The following RORB variants were observed in gnomAD, a reference collection of about 807,000 sequenced individuals.
RORB encodes nuclear receptor ROR-beta.
In RORB, 6 loss-of-function variants were observed where a neutral mutation model predicts 59.1. That is an observed-to-expected ratio of 0.10 (90% CI 0.06 to 0.20). The LOEUF is 0.20. Ranked by LOEUF, RORB falls within the 10% of genes least tolerant of loss-of-function variation. The pLI is 1.00. For missense variants in RORB, 320 were observed against 560.5 expected, an observed-to-expected ratio of 0.57 and a Z score of 4.33; for synonymous variants, 215 against 204.5, an observed-to-expected ratio of 1.05 and a Z score of -0.44.
intron 1 of RORB, among the ~76,000 whole-genome samples, chr9:74,612,497 G>A (rs1409155914): frequency 6.6e-6 from 1 of 152,148 alleles, no homozygotes; most frequent in African/African-American, 2.4e-5. Flanking sequence ...CTTCTTTCCT[G>A]AACACACGCT....
chr9:74,610,531 G>A (rs1439641359), intron 1 of RORB, among the ~76,000 whole-genome samples: 3 of 152,100 alleles, frequency 2.0e-5, no homozygotes, highest in Non-Finnish European at 4.4e-5. Context: ...TATTCTCTAT[G>A]CAAAATTAAA....
chr9:74,503,355 C>T (rs545543061), intron 1 of RORB, among the ~76,000 whole-genome samples: 13 of 152,072 alleles, frequency 8.5e-5, no homozygotes, highest in South Asian at 8.3e-4. Flanking sequence ...CACACTGATA[C>T]GCAATATGTA....
intron 3 of RORB, 42 bp from the exon 4 acceptor site, chr9:74,642,372 G>A: frequency 1.3e-6 from 2 of 1,557,786 alleles, no homozygotes. Flanking sequence ...TAACGCGAAT[G>A]ATAACCACAA....
chr9:74,594,401 A>G (rs1157441154), intron 1 of RORB, among the ~76,000 whole-genome samples: 1 of 152,160 alleles, frequency 6.6e-6, no homozygotes, highest in Non-Finnish European at 1.5e-5. Context: ...CTCCAAACAA[A>G]AGACCCACAA....
intron 9 of RORB, among the ~76,000 whole-genome samples, chr9:74,675,582 T>C (rs945807255): frequency 1.3e-5 from 2 of 152,196 alleles, no homozygotes; most frequent in Non-Finnish European, 2.9e-5. Context: ...TTTACTGTTA[T>C]AAAAAGTGAA....
intron 1 of RORB, among the ~76,000 whole-genome samples, chr9:74,576,291 C>A (rs1347721162): frequency 1.3e-5 from 2 of 152,078 alleles, no homozygotes; most frequent in Non-Finnish European, 2.9e-5. Context: ...ACCATGTACA[C>A]CCATCCTGGC....
At chr9:74,595,047 G>A (rs1180119245) in intron 1 of RORB, among the ~76,000 whole-genome samples, 1 of 152,104 alleles carries the variant, frequency 6.6e-6, no homozygotes, top group Non-Finnish European at 1.5e-5. Context: ...ATCCAGCCCT[G>A]GACACAGCCA....
At chr9:74,518,175 C>G (rs918736081) in intron 1 of RORB, among the ~76,000 whole-genome samples, 2 of 151,946 alleles carry the variant, frequency 1.3e-5, no homozygotes, top group Admixed American at 1.3e-4. Context: ...TCTAGTCAAG[C>G]CAACGCTAAG....
intron 1 of RORB, among the ~76,000 whole-genome samples, chr9:74,582,628 G>A (rs1409443477): frequency 6.6e-6 from 1 of 152,034 alleles, no homozygotes; most frequent in African/African-American, 2.4e-5. Flanking sequence ...AATCTGGGTG[G>A]CCCTCTGAGT....
chr9:74,610,298 C>T (rs1823215090), intron 1 of RORB, among the ~76,000 whole-genome samples: 1 of 152,116 alleles, frequency 6.6e-6, no homozygotes. Context: ...TTAAAAAGCT[C>T]CCCAAGTGAT....
At chr9:74,611,877 T>C (rs904706901) in intron 1 of RORB, among the ~76,000 whole-genome samples, 1 of 152,140 alleles carries the variant, frequency 6.6e-6, no homozygotes, top group African/African-American at 2.4e-5. Context: ...CTTGAACTCC[T>C]GACCTCAGGT....
chr9:74,539,599 G>A (rs1172057215), intron 1 of RORB, among the ~76,000 whole-genome samples: 1 of 152,042 alleles, frequency 6.6e-6, no homozygotes, highest in Non-Finnish European at 1.5e-5. Context: ...TGCCCTCATA[G>A]AGCGTTTTGT....
intron 3 of RORB, among the ~76,000 whole-genome samples, chr9:74,635,991 C>G (rs969367746): frequency 7.4e-5 from 11 of 149,182 alleles, no homozygotes; most frequent in Non-Finnish European, 5.9e-5. Flanking sequence ...GACCTGAAAC[C>G]CTTCAGTTTA....
At chr9:74,530,061 T>G (rs1309431752) in intron 1 of RORB, among the ~76,000 whole-genome samples, 1 of 152,058 alleles carries the variant, frequency 6.6e-6, no homozygotes, top group Non-Finnish European at 1.5e-5. Context: ...AAGCACTTCA[T>G]GTTTCTTCTG....
intron 1 of RORB, among the ~76,000 whole-genome samples, chr9:74,575,098 C>T (rs1822612708): frequency 6.6e-6 from 1 of 152,124 alleles, no homozygotes; most frequent in South Asian, 2.1e-4. Context: ...ACCTTAAATA[C>T]CTGGACTGAT....
chr9:74,501,702 T>TC (rs985353751), intron 1 of RORB, among the ~76,000 whole-genome samples: 1 of 152,146 alleles, frequency 6.6e-6, no homozygotes, highest in African/African-American at 2.4e-5. Flanking sequence ...TCCTCCTTCC[T>TC]CCCCCAGCAT....
chr9:74,581,800 C>T (rs1056805490), intron 1 of RORB, among the ~76,000 whole-genome samples: 3 of 152,158 alleles, frequency 2.0e-5, no homozygotes, highest in African/African-American at 7.2e-5. Context: ...GGCATGAGAA[C>T]ACAGGGCATT....
At chr9:74,658,520 A>C (rs1343783972) in intron 4 of RORB, among the ~76,000 whole-genome samples, 6 of 152,230 alleles carry the variant, frequency 3.9e-5, no homozygotes, top group African/African-American at 1.2e-4. Context: ...AGTTTTTCAC[A>C]ATACAATTGT....
intron 6 of RORB, 81 bp downstream of exon 6, chr9:74,662,687 C>G: frequency 1.4e-6 from 2 of 1,456,980 alleles, no homozygotes; most frequent in South Asian, 2.4e-5. Flanking sequence ...CTAGAAAATC[C>G]TCCTTCCGAT....
Sources: allele counts gnomAD v4.1 joint callset (sites outside exome capture counted in the v4.1 genomes callset), GRCh38; gene constraint gnomAD v4.1.1; transcripts MANE v1.5; gene names NCBI Gene and HGNC (gene_info 2026-07-23, HGNC 2026-07-21).